The following CHD9 variants were observed in gnomAD, a reference collection of about 807,000 sequenced individuals.
CHD9 encodes ATP-dependent chromatin remodeler CHD9.
A neutral mutation model predicts 316.1 loss-of-function variants in CHD9; 77 were observed. That is an observed-to-expected ratio of 0.24 (90% confidence interval 0.20 to 0.29). CHD9 has a LOEUF of 0.29. Ranked by LOEUF, CHD9 falls within the 10% of genes least tolerant of loss-of-function variation. CHD9 has a pLI of 1.00. For synonymous variants in CHD9, 1,129 were observed against 1,158.3 expected, an observed-to-expected ratio of 0.97 and a Z score of 0.51; for missense variants, 2,763 against 3,438.1, an observed-to-expected ratio of 0.80 and a Z score of 4.91.
chr16:53,126,865 G>A (rs532779131), intron 1 of CHD9, among the ~76,000 whole-genome samples: 1 of 152,010 alleles, frequency 6.6e-6, no homozygotes, highest in Non-Finnish European at 1.5e-5. Flanking sequence ...TTTTAGTAGA[G>A]ACGGGGTTTC....
intron 1 of CHD9, among the ~76,000 whole-genome samples, chr16:53,078,827 A>T (rs1245236719): frequency 1.3e-5 from 2 of 152,104 alleles, no homozygotes; most frequent in Non-Finnish European, 2.9e-5. Flanking sequence ...CCCTTAAATT[A>T]ATGCAAGATA....
intron 2 of CHD9, among the ~76,000 whole-genome samples, chr16:53,163,126 A>T (rs181726820): frequency 3.9e-5 from 6 of 152,290 alleles, no homozygotes; most frequent in Admixed American, 1.3e-4. Context: ...TTACCAAAAG[A>T]TAATCACTGT....
chr16:53,211,645 T>C (rs2152876818), intron 3 of CHD9, among the ~76,000 whole-genome samples: 1 of 152,218 alleles, frequency 6.6e-6, no homozygotes, highest in African/African-American at 2.4e-5. Flanking sequence ...GATAAGTGAA[T>C]TGATAGAAGA....
At chr16:53,149,825 G>T (rs540417379) in intron 1 of CHD9, among the ~76,000 whole-genome samples, 1 of 151,720 alleles carries the variant, frequency 6.6e-6, no homozygotes, top group East Asian at 1.9e-4. Context: ...CTCCCAAAGT[G>T]CTGGGATTGT....
chr16:53,255,798 T>G lies in CHD9; in HGVS notation c.4209+19T>G, dbSNP rs1488724700. 4 of 1,607,792 alleles carry G rather than the reference T, an allele frequency of 2.5e-6. No homozygotes were observed. The highest frequency in any genetic ancestry group is 3.3e-4 in the Middle Eastern group (2 of 6,044). ...TGCCAAGGTAATAGTGGGTGCAATT[T>G]TATTAACATAGCAGTGATGTTCACA... On this transcript the variant is annotated intron_variant, in intron 19 of 38. Transcript: ENST00000447540.
At chr16:53,274,542 G>T (rs531552557) in intron 24 of CHD9, among the ~76,000 whole-genome samples, 6 of 151,860 alleles carry the variant, frequency 4.0e-5, no homozygotes, top group African/African-American at 1.5e-4. Context: ...TGCAACCTCC[G>T]CCTCCTGGGT....
rs1491165760 is a variant in CHD9 at position 53,131,036 on chromosome 16, A to AG, written c.-164-24884dup. ...CACTCCCTCCCTGCCCCGCGCTGAC[A>AG]GGGGGGCCTGGCCGCGCAGCCGGTA... is the stretch of plus-strand genomic sequence containing the variant. On this transcript the variant is annotated intron_variant, in intron 1 of 38. Coordinates refer to ENST00000447540, the MANE Select transcript of CHD9 (RefSeq NM_001308319.2). The AG allele has an allele frequency of 2.7e-4, 39 of 143,154 alleles. 1 individual carries two copies. The South Asian group carries it at 5.6e-3, about 20-fold the overall frequency. 8.9% of individuals were successfully genotyped at this position (143,154 alleles called of 1,614,324 possible).
At chr16:53,319,879 G>C (rs1375872337) in intron 37 of CHD9, 1 of 1,166,590 alleles carries the variant, frequency 8.6e-7, no homozygotes, top group South Asian at 1.6e-5. Flanking sequence ...CCCCCAAGAG[G>C]GCCTCCATTT....
chr16:53,099,672 C>T (rs2152566543), intron 1 of CHD9, among the ~76,000 whole-genome samples: 1 of 152,334 alleles, frequency 6.6e-6, no homozygotes, highest in Middle Eastern at 3.4e-3. Flanking sequence ...GGAGATTCGG[C>T]TCCACCCCTT....
intron 2 of CHD9, among the ~76,000 whole-genome samples, chr16:53,183,983 C>T (rs113893143): frequency 0.033 from 4,907 of 150,714 alleles, 98 homozygotes; most frequent in Middle Eastern, 0.071. Context: ...CTCGCTCTGT[C>T]GCCCATGCTG....
intron 1 of CHD9, among the ~76,000 whole-genome samples, chr16:53,112,372 A>AT (rs1483965218): frequency 6.6e-6 from 1 of 152,200 alleles, no homozygotes; most frequent in Non-Finnish European, 1.5e-5. Context: ...TGGGGAAGAA[A>AT]TAAGTGGGTT....
At chr16:53,095,388 A>C (rs948283899) in intron 1 of CHD9, among the ~76,000 whole-genome samples, 1 of 151,838 alleles carries the variant, frequency 6.6e-6, no homozygotes, top group African/African-American at 2.4e-5. Context: ...TCTACAAAAA[A>C]ATTTTTAAAA....
chr16:53,171,251 A>G (rs887487094), intron 2 of CHD9, among the ~76,000 whole-genome samples: 1 of 151,970 alleles, frequency 6.6e-6, no homozygotes, highest in African/African-American at 2.4e-5. Context: ...CCCCGTCTCC[A>G]CTAAAAAATA....
intron 2 of CHD9, among the ~76,000 whole-genome samples, chr16:53,204,455 C>T (rs2045733713): frequency 6.6e-6 from 1 of 152,062 alleles, no homozygotes; most frequent in South Asian, 2.1e-4. Flanking sequence ...AAGGAAAAGG[C>T]GAGTAACAGG....
chr16:53,101,518 T>G (rs75270432), intron 1 of CHD9, among the ~76,000 whole-genome samples: 2 of 152,094 alleles, frequency 1.3e-5, no homozygotes, highest in Admixed American at 6.6e-5. Flanking sequence ...TGTAAACTTA[T>G]GAAGTTACTG....
At chr16:53,288,503 G>A (rs889629771) in intron 27 of CHD9, among the ~76,000 whole-genome samples, 1 of 152,178 alleles carries the variant, frequency 6.6e-6, no homozygotes, top group Non-Finnish European at 1.5e-5. Flanking sequence ...TCTGTAGAGT[G>A]GGGAAAAGGA....
rs757869641 is a variant in CHD9, at chr16:53,286,250, G to T, written c.5096G>T (p.Arg1699Leu). 6.2e-7 allele frequency: 1 copy of T among 1,610,322 alleles called. No individual in the cohort carries two copies. The highest frequency in any genetic ancestry group is 8.5e-7 in the Non-Finnish European group (1 of 1,176,980). The change falls in exon 26 of 39, where the codon CGA (arginine) becomes CTA (leucine). Residue 1699 changes from arginine (R) to leucine (L), a missense_variant. Coordinates refer to ENST00000447540, the MANE Select transcript of CHD9 (RefSeq NM_001308319.2). ...GGATATGAAAAATATAACACTATTCGAGCAGACCCAGCATTATGCTTCTTG... is the reference window on the plus strand; with the variant it reads ...GGATATGAAAAATATAACACTATTCTAGCAGACCCAGCATTATGCTTCTTG... ...KHGYEKYNTI[R>L]ADPALCFLER...
chr16:53,106,183 T>C (rs895414106), intron 1 of CHD9, among the ~76,000 whole-genome samples: 1 of 152,190 alleles, frequency 6.6e-6, no homozygotes, highest in Non-Finnish European at 1.5e-5. Context: ...TATTCTCCTT[T>C]GCATCGTCTC....
Position 53,088,275 on chromosome 16 carries a change from C to CTTTTTTTTTTTTTTTTTTTTTT in CHD9, c.-165+33201_-165+33202insTTTTTTTTTTTTTTTTTTTTTT, listed in dbSNP as rs35052198. Among the ~76,000 whole-genome samples, 6 of 127,050 alleles carry CTTTTTTTTTTTTTTTTTTTTTT rather than the reference C, an allele frequency of 4.7e-5. 2 individuals are homozygous for CTTTTTTTTTTTTTTTTTTTTTT. The highest frequency in any genetic ancestry group is 3.2e-5 in the Non-Finnish European group (2 of 62,128). The allele number at this position is 127,050 out of a possible 152,430, so 83.3% of individuals were successfully genotyped here. On this transcript the variant is annotated intron_variant, in intron 1 of 38. Transcript: ENST00000447540. The stretch of plus-strand genomic sequence containing the variant: ...CTGTAATCAAGGAAAATGACATGCA[C>CTTTTTTTTTTTTTTTTTTTTTT]TTTGTTTTTTTTTTTTTTTTGAGAT...
Sources: allele counts gnomAD v4.1 joint callset (sites outside exome capture counted in the v4.1 genomes callset), GRCh38; gene constraint gnomAD v4.1.1; transcripts MANE v1.5; gene names NCBI Gene and HGNC (gene_info 2026-07-23, HGNC 2026-07-21).